The following ANPEP variants were observed in gnomAD, a reference collection of about 807,000 sequenced individuals.
ANPEP encodes aminopeptidase N.
A neutral mutation model predicts 114.6 loss-of-function variants in ANPEP; 70 were observed. That is an observed-to-expected ratio of 0.61 (90% CI 0.50 to 0.75). The LOEUF (loss-of-function observed/expected upper bound fraction) is 0.75. Ranked by LOEUF, ANPEP falls within the 30% of genes least tolerant of loss-of-function variation. The pLI, the probability that ANPEP is intolerant of heterozygous loss-of-function variation, is 0.00. For synonymous variants in ANPEP, 548 were observed against 522.3 expected (o/e 1.05, Z -0.67); for missense variants, 1,184 against 1,259.5 (o/e 0.94, Z 0.91).
At chr15:89,793,237 G>C in intron 15 of ANPEP, 111 bp from the exon 16 acceptor site, 1 of 891,270 alleles carries the variant, frequency 1.1e-6, no homozygotes, top group Non-Finnish European at 1.8e-6. Flanking sequence ...TCAGAGGTCA[G>C]GGCCTCACCT....
intron 15 of ANPEP, among the ~76,000 whole-genome samples, chr15:89,794,932 C>T (rs796321382): frequency 1.1e-4 from 17 of 152,254 alleles, no homozygotes; most frequent in African/African-American, 3.1e-4. Context: ...GCCACCCAGT[C>T]ACCTCGCAAT....
intron 20 of ANPEP, among the ~76,000 whole-genome samples, chr15:89,788,748 G>C (rs753286806): frequency 2.6e-5 from 4 of 151,256 alleles, no homozygotes; most frequent in Non-Finnish European, 5.9e-5. Flanking sequence ...CTACAGGTAT[G>C]CACCACCATG....
chr15:89,797,838 T>A, intron 14 of ANPEP, 116 bp from the exon 15 acceptor site: 1 of 1,400,902 alleles, frequency 7.1e-7, no homozygotes, highest in Middle Eastern at 2.5e-4. Context: ...CTGTATCCAC[T>A]CCTGGAGCCG....
At chr15:89,794,669 T>C (rs1168850988) in intron 15 of ANPEP, among the ~76,000 whole-genome samples, 3 of 151,708 alleles carry the variant, frequency 2.0e-5, no homozygotes, top group South Asian at 2.1e-4. Context: ...ATGAGAGAGA[T>C]TGAACCAGGG....
chr15:89,805,582 G>A (rs1294048799), intron 2 of ANPEP, 119 bp from the exon 3 acceptor site: 1 of 1,377,270 alleles, frequency 7.3e-7, no homozygotes, highest in Non-Finnish European at 9.8e-7. Context: ...CCTAACCCCT[G>A]CTCCTGCTCC....
At chr15:89,809,743 C>T (rs1320820373) in intron 1 of ANPEP, among the ~76,000 whole-genome samples, 1 of 152,238 alleles carries the variant, frequency 6.6e-6, no homozygotes, top group African/African-American at 2.4e-5. Context: ...GTGGGTGGGA[C>T]TCTCCCATTC....
Position 89,799,969 on chromosome 15 carries a change from T to C in ANPEP, c.1820-410A>G, listed in dbSNP as rs878975018. Among the ~76,000 whole-genome samples, 1 of 152,126 alleles carries C rather than the reference T, an allele frequency of 6.6e-6. No homozygotes were observed. The highest frequency in any genetic ancestry group is 1.5e-5 in the Non-Finnish European group (1 of 68,016). ...CCAGACCCCCAGTGCTGCTGTCTCT[T>C]TCTGGGGCTTAGTGCCCCTTCCTCC... On this transcript the variant is annotated intron_variant, in intron 12 of 20. Coordinates refer to ENST00000300060, the MANE Select transcript of ANPEP (RefSeq NM_001150.3). This position sits in a 1 kb window ranked among gnomAD's most constrained non-coding sequence, Gnocchi z 4.2.
At chr15:89,787,425 C>A (rs1596158898) in intron 20 of ANPEP, among the ~76,000 whole-genome samples, 1 of 152,078 alleles carries the variant, frequency 6.6e-6, no homozygotes, top group African/African-American at 2.4e-5. Flanking sequence ...AGGTATAAAT[C>A]TTCATGACCT....
Position 89,792,651 on chromosome 15 carries a change from C to T in ANPEP, c.2250-89G>A, listed in dbSNP as rs565108347. The T allele has an allele frequency of 1.2e-4, 147 of 1,191,710 alleles. 1 individual carries two copies. In the East Asian group the frequency reaches 3.4e-3, roughly 27 times the overall value. The allele number at this position is 1,191,710 out of a possible 1,614,324, so 73.8% of individuals were successfully genotyped here. A position where few individuals can be genotyped will look rare whatever the true frequency, so the allele number is the denominator to read the frequency against. ...CACACAACCCCAGGCCGGCACCCTG[C>T]CTAAGGCTCTGTGGCCTAACTGGCC... On this transcript the variant is annotated intron_variant, in intron 16 of 20. Transcript: ENST00000300060.
chr15:89,799,244 G>A lies in ANPEP; in HGVS notation c.2009+16C>T. The A allele has an allele frequency of 6.2e-7, 1 of 1,614,096 alleles. No individual in the cohort carries two copies. Among genetic ancestry groups the A allele is most frequent in the Non-Finnish European group, 8.5e-7 (1 of 1,179,982 alleles). ...TCACGAGCTTCTGCAGCTGAGCCAGGCAGCGGAGCACTCACCTGGCCAGGT... is the reference window on the plus strand; with the variant it reads ...TCACGAGCTTCTGCAGCTGAGCCAGACAGCGGAGCACTCACCTGGCCAGGT... On this transcript the variant is annotated intron_variant, in intron 14 of 20. Coordinates refer to ENST00000300060, the MANE Select transcript of ANPEP (RefSeq NM_001150.3). This position sits in a 1 kb window ranked among gnomAD's most constrained non-coding sequence, Gnocchi z 4.2.
intron 15 of ANPEP, 38 bp from the exon 16 acceptor site, chr15:89,793,164 T>C (rs778942030): frequency 3.9e-6 from 6 of 1,556,174 alleles, no homozygotes; most frequent in African/African-American, 1.4e-5. Flanking sequence ...CAAAGACTCA[T>C]GCCTGACCTG....
chr15:89,808,290 C>T (rs183525452), intron 1 of ANPEP, among the ~76,000 whole-genome samples: 20 of 152,322 alleles, frequency 1.3e-4, no homozygotes, highest in Non-Finnish European at 2.4e-4. Flanking sequence ...GCAGCGAAGC[C>T]GCCCTGACCT....
intron 3 of ANPEP, 31 bp downstream of exon 3, chr15:89,805,290 G>A: frequency 2.5e-6 from 4 of 1,613,092 alleles, no homozygotes; most frequent in Non-Finnish European, 3.4e-6. Context: ...CCTGCCCCCT[G>A]GCCCTGTGGC....
At position 89,806,239 on chromosome 15, in the gene ANPEP, C is replaced by T. The variant is rs1260760268; in HGVS notation, c.345G>A (p.Glu115=). 3.1e-6 allele frequency: 5 copies of T among 1,614,040 alleles called. No homozygotes were observed. In the South Asian group the frequency reaches 3.3e-5, roughly 11 times the overall value. ...GSSTVRFTCK[E]ATDVIIIHSK... ...TGTGGATGATGATGACGTCAGTGGC[C>T]TCCTTGCAGGTGAAACGGACGGTGC... The change falls in exon 2 of 21, where the codon GAG becomes GAA. Residue 115 remains glutamate (E), a synonymous_variant. Coordinates refer to ENST00000300060, the MANE Select transcript of ANPEP (RefSeq NM_001150.3). The surrounding 1 kb of genome is among the most constrained non-coding windows in gnomAD (Gnocchi z 5.7).
In ANPEP at chr15:89,806,257, G is replaced by T. The variant is rs374477258; in HGVS notation, c.327C>A (p.Val109=). 1.3e-4 allele frequency: 205 copies of T among 1,614,052 alleles called. No individual in the cohort carries two copies. The highest frequency in any genetic ancestry group is 1.7e-4 in the Non-Finnish European group (200 of 1,180,030). ...GLYVFKGSST[V]RFTCKEATDV... ...CAGTGGCCTCCTTGCAGGTGAAACG[G>T]ACGGTGCTGGAGCCCTTAAAAACGT... The change falls in exon 2 of 21, where the codon GTC becomes GTA. Residue 109 remains valine (V), a synonymous_variant. Coordinates refer to ENST00000300060, the MANE Select transcript of ANPEP (RefSeq NM_001150.3). The surrounding 1 kb of genome is among the most constrained non-coding windows in gnomAD (Gnocchi z 5.7).
chr15:89,799,537 T>C lies in ANPEP; in HGVS notation c.1842A>G (p.Thr614=), dbSNP rs755284471. ...DVRAQNDLFS[T]SGNEWVLLNL... is the part of the protein sequence containing the mutation. ...TCAGCAGGACCCACTCATTGCCTGA[T>C]GTGCTGAAGAGATCGTTCTGGGCTG... Residue 614 remains threonine, a synonymous_variant, in exon 13 of 21, where the codon ACA becomes ACG. Coordinates refer to ENST00000300060, the MANE Select transcript of ANPEP (RefSeq NM_001150.3). This position sits in a 1 kb window ranked among gnomAD's most constrained non-coding sequence, Gnocchi z 4.2. 4 of 1,614,214 alleles carry C rather than the reference T, an allele frequency of 2.5e-6. No individual in the cohort carries two copies. The South Asian group carries it at 3.3e-5, about 13-fold the overall frequency.
Position 89,806,800 on chromosome 15 carries a change from G to A in ANPEP, c.-217C>T. The A allele has an allele frequency of 1.4e-6, 1 of 702,054 alleles. No individual in the cohort carries two copies. The highest frequency in any genetic ancestry group is 2.4e-5 in the South Asian group (1 of 41,922). 43.5% of individuals were successfully genotyped at this position (702,054 alleles called of 1,614,324 possible). A position where few individuals can be genotyped will look rare whatever the true frequency, so the allele number is the denominator to read the frequency against. Reference sequence around the variant, plus strand: ...GAACGGTGTGTGGAGCTGGGCTCGGGGGGTGCCTGCTGGAAGCAAACAGTG... The same window carrying A: ...GAACGGTGTGTGGAGCTGGGCTCGGAGGGTGCCTGCTGGAAGCAAACAGTG... On this transcript the variant is annotated 5_prime_UTR_variant, in exon 2 of 21. Transcript: ENST00000300060. The surrounding 1 kb of genome is among the most constrained non-coding windows in gnomAD (Gnocchi z 5.7).
At chr15:89,802,773 T>G in intron 10 of ANPEP, 5 of 179,812 alleles carry the variant, frequency 2.8e-5, no homozygotes, top group South Asian at 2.1e-4. Context: ...CTGTGCGGGG[T>G]CTGATGGAGA....
At position 89,803,883 on chromosome 15, in the gene ANPEP, G is replaced by A; in HGVS notation, c.1293+6C>T. 6.2e-7 allele frequency: 1 copy of A among 1,614,152 alleles called. No homozygotes were observed. Among genetic ancestry groups the A allele is most frequent in the Non-Finnish European group, 8.5e-7 (1 of 1,179,988 alleles). On this transcript the variant is annotated splice_donor_region_variant and intron_variant, in intron 7 of 20. Transcript: ENST00000300060. This position sits in a 1 kb window ranked among gnomAD's most constrained non-coding sequence, Gnocchi z 4.2. ...CCCGCACCAGACCCCTGGGCAGCTG[G>A]CTTACCAAGTTCCAGGTGGGCTCCG...
Sources: allele counts gnomAD v4.1 joint callset (sites outside exome capture counted in the v4.1 genomes callset), GRCh38; gene constraint gnomAD v4.1.1; non-coding constraint Gnocchi (gnomAD v3.1); transcripts MANE v1.5; gene names NCBI Gene and HGNC (gene_info 2026-07-23, HGNC 2026-07-21).